DHX32: variants seen among roughly 807,000 people sequenced by gnomAD.
DHX32 encodes putative pre-mRNA-splicing factor ATP-dependent RNA helicase DHX32.
Under a neutral mutation model 70.0 loss-of-function variants are expected in DHX32, and 51 were observed. That is an observed-to-expected ratio of 0.73 (90% CI 0.58 to 0.92). The LOEUF (loss-of-function observed/expected upper bound fraction) is 0.92. Among genes scored for constraint, DHX32 ranks in the 40% least tolerant of loss-of-function variants. The pLI is 0.00. For missense variants in DHX32, 762 were observed against 891.8 expected, an observed-to-expected ratio of 0.85 and a Z score of 1.85; for synonymous variants, 310 against 315.3, an observed-to-expected ratio of 0.98 and a Z score of 0.18.
chr10:125,839,220 A>G, intron 8 of DHX32, 32 bp from the exon 9 acceptor site: 1 of 1,604,394 alleles, frequency 6.2e-7, no homozygotes, highest in Non-Finnish European at 8.5e-7. Context: ...GCTATTTAGA[A>G]ATGATTTGTC....
chr10:125,893,085 C>T (rs551323224), intron 1 of DHX32, among the ~76,000 whole-genome samples: 91 of 152,386 alleles, frequency 6.0e-4, no homozygotes, highest in Non-Finnish European at 1.2e-3. Context: ...AGATAAAATT[C>T]TATAGGAAAG....
chr10:125,892,348 T>A (rs1479978260), intron 1 of DHX32, among the ~76,000 whole-genome samples: 28 of 150,976 alleles, frequency 1.9e-4, no homozygotes, highest in Admixed American at 7.4e-4. Context: ...TACCAATCTG[T>A]CATTTGAGTG....
chr10:125,895,821 C>CA (rs1275682610), intron 1 of DHX32, among the ~76,000 whole-genome samples: 2 of 151,338 alleles, frequency 1.3e-5, no homozygotes, highest in African/African-American at 4.8e-5. Context: ...CAAAGCCGGG[C>CA]AAAACCGTGC....
At chr10:125,851,874 T>G (rs1183359619) in intron 6 of DHX32, among the ~76,000 whole-genome samples, 1 of 133,584 alleles carries the variant, frequency 7.5e-6, no homozygotes, top group Non-Finnish European at 1.5e-5. Flanking sequence ...TGAGCTATGA[T>G]CACGCCACTG....
At chr10:125,852,683 A>T in intron 4 of DHX32, 41 bp from the exon 5 acceptor site, 1 of 1,547,054 alleles carries the variant, frequency 6.5e-7, no homozygotes. Context: ...CAGATAAGTC[A>T]TGATTCAGTA....
chr10:125,885,815 G>A (rs573139257), upstream of DHX32, among the ~76,000 whole-genome samples: 1 of 152,232 alleles, frequency 6.6e-6, no homozygotes, highest in South Asian at 2.1e-4. Flanking sequence ...CACTTGGTCT[G>A]AGCCACTACC....
At chr10:125,853,267 TC>T in intron 4 of DHX32, 7 of 1,504,790 alleles carry the variant, frequency 4.7e-6, no homozygotes, top group Non-Finnish European at 6.4e-6. Flanking sequence ...TTTAGGAGGC[TC>T]ATAGTCTCCT....
intron 4 of DHX32, chr10:125,853,211 A>G: frequency 1.2e-6 from 2 of 1,612,266 alleles, no homozygotes; most frequent in Non-Finnish European, 1.7e-6. Flanking sequence ...TTTCCAGGGA[A>G]CCTTCATGAC....
intron 6 of DHX32, among the ~76,000 whole-genome samples, chr10:125,846,914 T>A (rs1944029119): frequency 6.6e-6 from 1 of 152,130 alleles, no homozygotes; most frequent in Admixed American, 6.5e-5. Flanking sequence ...AACGGGTCAT[T>A]AACTAGTACC....
At chr10:125,840,599 G>A (rs991368555) in intron 8 of DHX32, among the ~76,000 whole-genome samples, 1 of 152,250 alleles carries the variant, frequency 6.6e-6, no homozygotes, top group African/African-American at 2.4e-5. Context: ...AAGGCTGGCT[G>A]AGTGGAGTCC....
At chr10:125,853,239 CATA>C in intron 4 of DHX32, 1 of 1,598,196 alleles carries the variant, frequency 6.3e-7, no homozygotes, top group Non-Finnish European at 8.5e-7. Flanking sequence ...ATTGCTCTGT[CATA>C]ATAAGTCAGG....
intron 2 of DHX32, among the ~76,000 whole-genome samples, chr10:125,861,128 A>G (rs938585287): frequency 2.0e-5 from 3 of 152,140 alleles, no homozygotes; most frequent in Non-Finnish European, 1.5e-5. Context: ...TGAGATTGCT[A>G]TCCTTCGACA....
rs151282228 is a variant in DHX32, at chr10:125,880,401, C to T, written c.282+142G>A. 9.4e-5 allele frequency: 79 copies of T among 842,968 alleles called. 1 individual carries two copies. The highest frequency in any genetic ancestry group is 5.4e-4 in the East Asian group (19 of 35,160). The allele number at this position is 842,968 out of a possible 1,614,324, so 52.2% of individuals were successfully genotyped here. ...TTAGTAAAATTAATAAAATTAGGTA[C>T]GTGATTTAATTATTTTATCTGAATA... On this transcript the variant is annotated intron_variant, in intron 1 of 10. Coordinates refer to ENST00000284690, the MANE Select transcript of DHX32 (RefSeq NM_018180.3).
chr10:125,878,970 A>G (rs1589717709), intron 1 of DHX32, among the ~76,000 whole-genome samples: 1 of 147,198 alleles, frequency 6.8e-6, no homozygotes, highest in South Asian at 2.1e-4. Flanking sequence ...GGCCTCCCAA[A>G]GTGCTGAGAT....
intron 3 of DHX32, among the ~76,000 whole-genome samples, chr10:125,857,814 T>A (rs1336655712): frequency 2.0e-5 from 3 of 152,182 alleles, no homozygotes; most frequent in African/African-American, 4.8e-5. Context: ...TTACCCTGAC[T>A]TGAAGGATTA....
intron 1 of DHX32, among the ~76,000 whole-genome samples, chr10:125,871,195 T>C (rs1254780067): frequency 3.3e-5 from 5 of 152,242 alleles, no homozygotes; most frequent in East Asian, 1.9e-4. Context: ...AGTATAAACA[T>C]TATACATTCC....
intron 6 of DHX32, among the ~76,000 whole-genome samples, chr10:125,848,840 A>G (rs1944055979): frequency 6.6e-6 from 1 of 152,220 alleles, no homozygotes; most frequent in Non-Finnish European, 1.5e-5. Flanking sequence ...ATGTTAACTA[A>G]TTTATCTTAA....
intron 1 of DHX32, among the ~76,000 whole-genome samples, chr10:125,878,601 T>C (rs1386704575): frequency 6.6e-6 from 1 of 152,230 alleles, no homozygotes; most frequent in African/African-American, 2.4e-5. Flanking sequence ...TTAATTTGTC[T>C]TTTGTTACAG....
intron 3 of DHX32, among the ~76,000 whole-genome samples, chr10:125,856,608 ATGTT>A (rs903740338): frequency 2.6e-5 from 4 of 152,192 alleles, no homozygotes; most frequent in Non-Finnish European, 4.4e-5. Context: ...TTTCACCAAA[ATGTT>A]TGAGAATATT....
Sources: gnomAD v4.1 joint callset for allele counts (sites outside exome capture counted in the v4.1 genomes callset) on GRCh38, gnomAD v4.1.1 for gene constraint, MANE v1.5 for transcripts, NCBI Gene and HGNC (gene_info 2026-07-23, HGNC 2026-07-21) for gene names.